LPP: variants seen among roughly 807,000 people sequenced by gnomAD.
The protein encoded by LPP is lipoma-preferred partner.
Under a neutral mutation model 60.4 loss-of-function variants are expected in LPP, and 38 were observed. The observed-to-expected ratio is 0.63, with a 90% CI of 0.49 to 0.83. LPP has a LOEUF of 0.83. Among genes scored for constraint, LPP ranks in the 40% least tolerant of loss-of-function variants. The pLI is 0.00. For missense variants in LPP, 902 were observed against 783.6 expected, an observed-to-expected ratio of 1.15 and a Z score of -1.80; for synonymous variants, 328 against 290.8, an observed-to-expected ratio of 1.13 and a Z score of -1.30.
intron 3 of LPP, among the ~76,000 whole-genome samples, chr3:188,356,086 C>T (rs556518914): frequency 1.3e-4 from 20 of 152,230 alleles, no homozygotes; most frequent in African/African-American, 4.6e-4. Flanking sequence ...TAACTTATAG[C>T]GCGGATGTTT....
intron 5 of LPP, among the ~76,000 whole-genome samples, chr3:188,504,756 T>G (rs192816976): frequency 6.0e-4 from 90 of 151,242 alleles, no homozygotes; most frequent in Admixed American, 1.7e-3. Flanking sequence ...GTTATCAAGG[T>G]CTGTCTCCCA....
intron 9 of LPP, among the ~76,000 whole-genome samples, chr3:188,860,564 C>T (rs80218520): frequency 0.043 from 6,469 of 152,130 alleles, 437 homozygotes; most frequent in African/African-American, 0.15. Context: ...GCATCCGGAA[C>T]CCACTTGAAA....
intron 4 of LPP, among the ~76,000 whole-genome samples, chr3:188,456,921 C>T (rs1262019364): frequency 6.6e-6 from 1 of 152,160 alleles, no homozygotes; most frequent in Non-Finnish European, 1.5e-5. Flanking sequence ...CTAGCCAGAG[C>T]TGGAGTCACT....
rs531133246 is a variant in LPP, at chr3:188,194,634, G to A, written c.-189-30771G>A. Among the ~76,000 whole-genome samples, 37 of 152,338 alleles carry A rather than the reference G, an allele frequency of 2.4e-4. No homozygotes were observed. In the South Asian group the frequency reaches 6.0e-3, roughly 25 times the overall value. ...GAGGGAAGAAGGGAAGTATAATGATGTTGGAAGTCAAAATATTGACATTAA... is the reference window on the plus strand; with the variant it reads ...GAGGGAAGAAGGGAAGTATAATGATATTGGAAGTCAAAATATTGACATTAA... On this transcript the variant is annotated intron_variant, in intron 1 of 11. Transcript: ENST00000617246.
At chr3:188,785,547 T>TATATATATATATATATATATACACAC (rs1206082559) in intron 9 of LPP, among the ~76,000 whole-genome samples, 1 of 43,838 alleles carries the variant, frequency 2.3e-5, no homozygotes, top group African/African-American at 9.4e-5. Flanking sequence ...TATATATATA[T>TATATATATATATATATATATACACAC]ACACACACAC....
At chr3:188,792,162 A>C (rs1743977945) in intron 9 of LPP, among the ~76,000 whole-genome samples, 2 of 152,086 alleles carry the variant, frequency 1.3e-5, no homozygotes, top group African/African-American at 2.4e-5. Context: ...CTATTCTCAG[A>C]GTTTGTAGGA....
intron 9 of LPP, among the ~76,000 whole-genome samples, chr3:188,785,547 T>TATATATATATACACACACACACAC (rs1206082559): frequency 3.0e-4 from 13 of 43,844 alleles, no homozygotes; most frequent in African/African-American, 3.8e-4. Context: ...TATATATATA[T>TATATATATATACACACACACACAC]ACACACACAC....
At chr3:188,453,645 C>T (rs944636480) in intron 4 of LPP, among the ~76,000 whole-genome samples, 1 of 151,976 alleles carries the variant, frequency 6.6e-6, no homozygotes, top group African/African-American at 2.4e-5. Flanking sequence ...TTGAATGGTT[C>T]TCTCAGTCCA....
rs1212096315 is a variant in LPP, at chr3:188,879,502, A to T, written c.*5023A>T. 7 of 200,256 alleles carry T rather than the reference A, an allele frequency of 3.5e-5. No individual in the cohort carries two copies. The highest frequency in any genetic ancestry group is 6.2e-5 in the Non-Finnish European group (6 of 97,234). The allele number at this position is 200,256 out of a possible 1,614,324, so 12.4% of individuals were successfully genotyped here. ...TTCGTAAAGTGAAATGAGATAATAG[A>T]GTCTTTCTGTTTCATGTTAATGAAT... On this transcript the variant is annotated 3_prime_UTR_variant, in exon 12 of 12. Coordinates refer to ENST00000617246, the MANE Select transcript of LPP (RefSeq NM_001375462.1).
chr3:188,256,265 A>G (rs1311033792), intron 2 of LPP, among the ~76,000 whole-genome samples: 2 of 152,236 alleles, frequency 1.3e-5, no homozygotes, highest in East Asian at 3.8e-4. Context: ...ATTAAACCTT[A>G]GTTAATGAAT....
intron 3 of LPP, among the ~76,000 whole-genome samples, chr3:188,387,491 T>C (rs541753166): frequency 5.3e-5 from 8 of 152,270 alleles, no homozygotes; most frequent in African/African-American, 1.9e-4. Flanking sequence ...TTAACATTTA[T>C]GCATAAATGT....
chr3:188,420,978 AATGAATAGGGC>A (rs948377657), intron 4 of LPP, among the ~76,000 whole-genome samples: 1 of 152,156 alleles, frequency 6.6e-6, no homozygotes, highest in African/African-American at 2.4e-5. Context: ...AGGGCATAGA[AATGAATAGGGC>A]ATGGGTTCTT....
At chr3:188,530,182 G>A (rs1323983166) in intron 6 of LPP, among the ~76,000 whole-genome samples, 1 of 152,172 alleles carries the variant, frequency 6.6e-6, no homozygotes, top group African/African-American at 2.4e-5. Context: ...CAGTACCTAA[G>A]TAGCCCTTTT....
At chr3:188,261,791 G>A (rs2149691470) in intron 2 of LPP, among the ~76,000 whole-genome samples, 1 of 151,966 alleles carries the variant, frequency 6.6e-6, no homozygotes, top group East Asian at 1.9e-4. Flanking sequence ...GCACATATCT[G>A]TAGTCCTACC....
intron 2 of LPP, among the ~76,000 whole-genome samples, chr3:188,294,994 C>G (rs1747374410): frequency 1.3e-5 from 2 of 152,186 alleles, no homozygotes; most frequent in Non-Finnish European, 2.9e-5. Flanking sequence ...TGAGTATAGA[C>G]AGCTTTTCCC....
chr3:188,838,537 G>A (rs1180650555), intron 9 of LPP, among the ~76,000 whole-genome samples: 1 of 152,142 alleles, frequency 6.6e-6, no homozygotes, highest in Non-Finnish European at 1.5e-5. Context: ...TTTAGGATAG[G>A]TGCAGCTCCA....
At chr3:188,383,591 A>G (rs1196151821) in intron 3 of LPP, among the ~76,000 whole-genome samples, 2 of 152,194 alleles carry the variant, frequency 1.3e-5, no homozygotes. Context: ...TTTTCAAAAG[A>G]ATTTCAAAAG....
In LPP at chr3:188,205,337, A is replaced by G. The variant is rs1278148505; in HGVS notation, c.-189-20068A>G. On this transcript the variant is annotated intron_variant, in intron 1 of 11. Coordinates refer to ENST00000617246, the MANE Select transcript of LPP (RefSeq NM_001375462.1). ...GCTCTGTCATCCAGGCTGGAGTGCA[A>G]TGGTGCAATCTTGGCTCACTGCAAC... Among the ~76,000 whole-genome samples, 5 of 142,778 alleles carry G rather than the reference A, an allele frequency of 3.5e-5. No homozygotes were observed. In the East Asian group the frequency reaches 8.1e-4, roughly 23 times the overall value. 93.7% of individuals were successfully genotyped at this position (142,778 alleles called of 152,430 possible). A position where few individuals can be genotyped will look rare whatever the true frequency, so the allele number is the denominator to read the frequency against.
intron 2 of LPP, among the ~76,000 whole-genome samples, chr3:188,295,870 G>C (rs566352145): frequency 1.0e-3 from 156 of 152,180 alleles, no homozygotes; most frequent in African/African-American, 4.6e-4. Context: ...TTAAACCCAG[G>C]GGCAGTGTAG....
Sources: allele counts gnomAD v4.1 joint callset (sites outside exome capture counted in the v4.1 genomes callset), GRCh38; gene constraint gnomAD v4.1.1; transcripts MANE v1.5; gene names NCBI Gene and HGNC (gene_info 2026-07-23, HGNC 2026-07-21).